The following MED20 variants were observed in gnomAD, a reference collection of about 807,000 sequenced individuals.
MED20 encodes mediator complex subunit 20, also known as mediator of RNA polymerase II transcription subunit 20.
In MED20, 19 loss-of-function variants were observed where a neutral mutation model predicts 19.7. The ratio of observed to expected loss-of-function variants is 0.96; its 90% CI spans 0.67 to 1.42. The LOEUF is 1.42. Among genes scored for constraint, MED20 ranks in the 40% most tolerant of loss-of-function variants. The pLI is 0.00. For synonymous variants in MED20, 105 were observed against 104.8 expected, an observed-to-expected ratio of 1.00 and a Z score of -0.01; for missense variants, 225 against 273.0, an observed-to-expected ratio of 0.82 and a Z score of 1.24.
intron 2 of MED20, among the ~76,000 whole-genome samples, chr6:41,912,050 CTTCT>C (rs1423741354): frequency 2.0e-5 from 3 of 148,732 alleles, no homozygotes; most frequent in Admixed American, 1.4e-4. Context: ...TTTTCCTTTT[CTTCT>C]TTTTTTTTTT....
intron 1 of MED20, chr6:41,917,876 G>A (rs1266895514): frequency 7.0e-6 from 3 of 429,634 alleles, no homozygotes; most frequent in East Asian, 1.5e-4. Context: ...ACTGTTGTTA[G>A]AGAACATTTC....
intron 2 of MED20, among the ~76,000 whole-genome samples, chr6:41,915,498 AAC>A (rs57868395): frequency 2.6e-5 from 4 of 151,670 alleles, no homozygotes; most frequent in African/African-American, 9.7e-5. Flanking sequence ...ATCTCTTAAA[AAC>A]ACACACGCTG....
At position 41,916,899 on chromosome 6, in the gene MED20, G is replaced by A; in HGVS notation, c.55C>T (p.Gln19Ter). 6.2e-7 allele frequency: 1 copy of A among 1,614,016 alleles called. No homozygotes were observed. Among genetic ancestry groups the A allele is most frequent in the Non-Finnish European group, 8.5e-7 (1 of 1,180,002 alleles). ...TTCCGGGTAAGGAGCTCTACGGTTT[G>A]CTGAACACTCTTGCCCTCGGCCACA... ...MPVAEGKSVQ[Q>*]TVELLTRKLE... Residue 19 changes from glutamine (Q) to a stop codon, truncating the protein, a stop_gained, in exon 2 of 4, where the codon CAA (glutamine) becomes TAA (stop). Transcript: ENST00000265350. LOFTEE classifies it high-confidence loss of function.
At chr6:41,913,280 T>C (rs1221271199) in intron 2 of MED20, among the ~76,000 whole-genome samples, 1 of 152,098 alleles carries the variant, frequency 6.6e-6, no homozygotes, top group Non-Finnish European at 1.5e-5. Context: ...ACAGAGCCAG[T>C]AACCAGCAAA....
intron 1 of MED20, among the ~76,000 whole-genome samples, chr6:41,919,128 CAAAAA>C (rs35512146): frequency 2.2e-5 from 1 of 44,886 alleles, no homozygotes; most frequent in African/African-American, 8.6e-5. Context: ...GACTCTGCCT[CAAAAA>C]AAAAAAAAAA....
At chr6:41,920,874 G>T in intron 1 of MED20, 131 bp downstream of exon 1, 1 of 1,153,834 alleles carries the variant, frequency 8.7e-7, no homozygotes, top group Non-Finnish European at 1.2e-6. Flanking sequence ...CAGCCCGGAC[G>T]GCATCCTCTC....
chr6:41,918,433 G>A (rs1189001363), intron 1 of MED20, among the ~76,000 whole-genome samples: 3 of 151,212 alleles, frequency 2.0e-5, no homozygotes, highest in Non-Finnish European at 4.4e-5. Flanking sequence ...GAAACCAGGA[G>A]GCGGAGGTTG....
At chr6:41,907,530 C>A (rs1775087618) in intron 3 of MED20, among the ~76,000 whole-genome samples, 1 of 152,084 alleles carries the variant, frequency 6.6e-6, no homozygotes, top group African/African-American at 2.4e-5. Flanking sequence ...CCCAGAGGAC[C>A]CAGAAGCAGA....
chr6:41,915,513 C>T (rs961833593), intron 2 of MED20, among the ~76,000 whole-genome samples: 28 of 147,548 alleles, frequency 1.9e-4, no homozygotes, highest in Non-Finnish European at 3.6e-4. Context: ...ACACGCTGGG[C>T]GCGGTGGCTC....
At chr6:41,919,908 A>C (rs1582066702) in intron 1 of MED20, among the ~76,000 whole-genome samples, 1 of 152,218 alleles carries the variant, frequency 6.6e-6, no homozygotes, top group African/African-American at 2.4e-5. Context: ...ATCACTGAGA[A>C]ACCTGCAAGA....
rs762755219 is a variant in MED20, at chr6:41,921,059, CG to C, written c.-42del. On this transcript the variant is annotated 5_prime_UTR_variant, in exon 1 of 4. Coordinates refer to ENST00000265350, the MANE Select transcript of MED20 (RefSeq NM_004275.5). Reference sequence around the variant, plus strand: ...AGGTGGCAGAATCACACAGTAGAAACGCAGGGTTCCCTGTCCGCCCACAGAA... The same window carrying C: ...AGGTGGCAGAATCACACAGTAGAAACCAGGGTTCCCTGTCCGCCCACAGAA... 9 of 1,607,770 alleles carry C rather than the reference CG, an allele frequency of 5.6e-6. No homozygotes were observed. The highest frequency in any genetic ancestry group is 7.6e-6 in the Non-Finnish European group (9 of 1,176,958).
intron 1 of MED20, chr6:41,917,721 G>C (rs1260901415): frequency 8.6e-6 from 4 of 467,788 alleles, no homozygotes; most frequent in Non-Finnish European, 1.8e-5. Context: ...AATGAAAAAG[G>C]GATTCCTTTT....
intron 1 of MED20, among the ~76,000 whole-genome samples, chr6:41,918,649 CAAAAATACAAA>C (rs1775378046): frequency 7.4e-6 from 1 of 134,396 alleles, no homozygotes; most frequent in Non-Finnish European, 1.6e-5. Context: ...CCGTCTCTAC[CAAAAATACAAA>C]AAAATGGCCG....
intron 3 of MED20, among the ~76,000 whole-genome samples, chr6:41,908,163 G>A (rs1461572066): frequency 6.6e-6 from 1 of 152,184 alleles, no homozygotes; most frequent in East Asian, 1.9e-4. Context: ...AGTCAGCAGT[G>A]TTCACACTGG....
At chr6:41,918,775 G>A (rs1294071179) in intron 1 of MED20, among the ~76,000 whole-genome samples, 2 of 150,154 alleles carry the variant, frequency 1.3e-5, no homozygotes, top group Non-Finnish European at 3.0e-5. Flanking sequence ...GTGAAACCCC[G>A]TCTCTACTAA....
At chr6:41,920,820 A>C in intron 1 of MED20, 185 bp downstream of exon 1, 1 of 607,710 alleles carries the variant, frequency 1.6e-6, no homozygotes. Flanking sequence ...CCGCCTTCCA[A>C]GAGGAAGGGG....
chr6:41,910,539 C>T (rs934600716), intron 2 of MED20, among the ~76,000 whole-genome samples: 4 of 148,240 alleles, frequency 2.7e-5, no homozygotes, highest in African/African-American at 9.9e-5. Context: ...GGCTGAGGCA[C>T]GAGAATCACC....
At chr6:41,916,613 A>G (rs888853021) in intron 2 of MED20, among the ~76,000 whole-genome samples, 172 bp downstream of exon 2, 3 of 152,066 alleles carry the variant, frequency 2.0e-5, no homozygotes, top group African/African-American at 4.8e-5. Flanking sequence ...TAAAGCTTTC[A>G]AAGGCCCTAT....
Position 41,907,225 on chromosome 6 carries a change from C to A in MED20, c.486G>T (p.Gln162His). ...CTGGTGTGTGGCTGCCTAGAAAACT[C>A]TGTAGGAACTCGAGCAGCAGACTCC... ...DCWSLLLEFL[Q>H]SFLGSHTPGA... The change falls in exon 4 of 4, where the codon CAG (glutamine) becomes CAT (histidine). Residue 162 changes from glutamine (Q) to histidine (H), a missense_variant. Coordinates refer to ENST00000265350, the MANE Select transcript of MED20 (RefSeq NM_004275.5). The A allele has an allele frequency of 1.2e-6, 2 of 1,614,078 alleles. No individual in the cohort carries two copies. The highest frequency in any genetic ancestry group is 2.7e-5 in the African/African-American group (2 of 75,012).
Sources: gnomAD v4.1 joint callset for allele counts (sites outside exome capture counted in the v4.1 genomes callset) on GRCh38, gnomAD v4.1.1 for gene constraint, MANE v1.5 for transcripts, NCBI Gene and HGNC (gene_info 2026-07-23, HGNC 2026-07-21) for gene names.